PHRF1: variants seen among roughly 807,000 people sequenced by gnomAD.
The protein encoded by PHRF1 is PHD and ring finger domains 1.
In PHRF1, 53 loss-of-function variants were observed where a neutral mutation model predicts 128.9. The ratio of observed to expected loss-of-function variants is 0.41; its 90% CI spans 0.33 to 0.52. PHRF1 has a LOEUF of 0.52. Ranked by LOEUF, PHRF1 falls within the 20% of genes least tolerant of loss-of-function variation. The pLI is 0.21. For missense variants in PHRF1, 2,503 were observed against 2,284.5 expected, an observed-to-expected ratio of 1.10 and a Z score of -1.95; for synonymous variants, 1,178 against 980.6, an observed-to-expected ratio of 1.20 and a Z score of -3.76.
intron 4 of PHRF1, among the ~76,000 whole-genome samples, chr11:590,084 G>T (rs1458100045): frequency 6.6e-6 from 1 of 151,256 alleles, no homozygotes; most frequent in Non-Finnish European, 1.5e-5. Flanking sequence ...GAGCGTGCGG[G>T]GCTCAGCCTG....
intron 10 of PHRF1, among the ~76,000 whole-genome samples, chr11:604,108 G>T (rs190668449): frequency 1.8e-4 from 27 of 152,350 alleles, no homozygotes; most frequent in Admixed American, 1.6e-3. Context: ...GTTGGATAAG[G>T]ACCTGCTATT....
chr11:591,262 C>CT (rs1444372281), intron 4 of PHRF1, 122 bp from the exon 5 acceptor site: 8 of 856,788 alleles, frequency 9.3e-6, no homozygotes, highest in South Asian at 3.1e-5. Flanking sequence ...TTGCCAGCAG[C>CT]TTAGTGGAGG....
At chr11:591,354 A>G (rs950071713) in intron 4 of PHRF1, 30 bp from the exon 5 acceptor site, 3 of 1,564,106 alleles carry the variant, frequency 1.9e-6, no homozygotes, top group East Asian at 4.6e-5. Context: ...GTGATTGACA[A>G]GATTCTGATC....
At chr11:584,857 C>T (rs184621366) in intron 3 of PHRF1, among the ~76,000 whole-genome samples, 213 of 151,740 alleles carry the variant, frequency 1.4e-3, no homozygotes, top group Middle Eastern at 0.01. Context: ...CCTGCCTCAG[C>T]CTCTCGAGTA....
In PHRF1 at chr11:607,065, G is replaced by C. The variant is rs1251923204; in HGVS notation, c.1610-1G>C. 1 of 1,548,764 alleles carries C rather than the reference G, an allele frequency of 6.5e-7. No individual in the cohort carries two copies. The highest frequency in any genetic ancestry group is 1.4e-5 in the African/African-American group (1 of 71,898). ...TTGCCATTGACTTTTTTGTTTTTTA[G>C]CTCCAGTTTCTTTTCAGCGAAACTC... On this transcript the variant is annotated splice_acceptor_variant, in intron 13 of 17. Transcript: ENST00000264555. LOFTEE classifies it high-confidence loss of function.
intron 5 of PHRF1, 139 bp from the exon 6 acceptor site, chr11:592,420 A>AG: frequency 1.3e-6 from 1 of 772,966 alleles, no homozygotes; most frequent in South Asian, 1.5e-5. Flanking sequence ...GTACACGTGG[A>AG]GGGAGACCCT....
intron 10 of PHRF1, among the ~76,000 whole-genome samples, chr11:604,905 G>C (rs1459520370): frequency 1.3e-5 from 2 of 152,182 alleles, no homozygotes; most frequent in Non-Finnish European, 2.9e-5. Flanking sequence ...ATGCCCGAGA[G>C]CCTCTGGTAG....
In PHRF1 at chr11:608,554, C is replaced by T. The variant is rs201796525; in HGVS notation, c.3098C>T (p.Ala1033Val). ...TCCAGGGACAGGAGCTCGAGGTCAGCGTCACCATCAGTGGGTGAGGAGCGC... is the reference window on the plus strand; with the variant it reads ...TCCAGGGACAGGAGCTCGAGGTCAGTGTCACCATCAGTGGGTGAGGAGCGC... ...SESRDRSSRS[A>V]SPSVGEERPR... Residue 1033 changes from alanine (A) to valine (V), a missense_variant, in exon 14 of 18, where the codon GCG (alanine) becomes GTG (valine). Transcript: ENST00000264555. 5.0e-4 allele frequency: 808 copies of T among 1,612,302 alleles called. 1 individual carries two copies. Among genetic ancestry groups the T allele is most frequent in the Non-Finnish European group, 6.2e-4 (731 of 1,179,808 alleles).
In PHRF1 at chr11:607,120, T is replaced by C. The variant is rs758269312; in HGVS notation, c.1664T>C (p.Phe555Ser). ...AGTCTGTCCAGAGGGGAAGAAGGAT[T>C]CAAGGGCTGCCTGCAGCCCCGAGCA... ...SGSLSRGEEG[F>S]KGCLQPRALP... The change falls in exon 14 of 18, where the codon TTC (phenylalanine) becomes TCC (serine). Residue 555 changes from phenylalanine to serine, a missense_variant. Coordinates refer to ENST00000264555, the MANE Select transcript of PHRF1 (RefSeq NM_001286581.2). 2 of 1,611,194 alleles carry C rather than the reference T, an allele frequency of 1.2e-6. No homozygotes were observed. Among genetic ancestry groups the C allele is most frequent in the East Asian group, 4.5e-5 (2 of 44,842 alleles).
At chr11:582,243 T>C (rs528819972) in intron 3 of PHRF1, among the ~76,000 whole-genome samples, 162 bp downstream of exon 3, 7 of 151,278 alleles carry the variant, frequency 4.6e-5, no homozygotes, top group Admixed American at 1.3e-4. Context: ...GACGGCTCAC[T>C]TTATTTGTAG....
chr11:611,501 C>A, intron 17 of PHRF1, 133 bp from the exon 18 acceptor site: 1 of 1,306,550 alleles, frequency 7.7e-7, no homozygotes, highest in Non-Finnish European at 1.0e-6. Flanking sequence ...GCCTCTGCCG[C>A]CGTCTGTCTG....
intron 6 of PHRF1, among the ~76,000 whole-genome samples, 171 bp from the exon 7 acceptor site, chr11:596,752 A>G (rs1453891327): frequency 6.6e-6 from 1 of 152,102 alleles, no homozygotes; most frequent in Non-Finnish European, 1.5e-5. Context: ...CTGCTGTCAC[A>G]TTGGGGGTTA....
intron 6 of PHRF1, among the ~76,000 whole-genome samples, chr11:593,103 T>C (rs1270640185): frequency 6.6e-6 from 1 of 152,212 alleles, no homozygotes; most frequent in African/African-American, 2.4e-5. Flanking sequence ...CTGCACCTGC[T>C]GCTCTCCCTG....
chr11:581,457 C>T, intron 1 of PHRF1, 35 bp from the exon 2 acceptor site: 1 of 1,589,592 alleles, frequency 6.3e-7, no homozygotes, highest in Non-Finnish European at 8.6e-7. Context: ...CAGCCTGGGA[C>T]AGTTTGGAAG....
chr11:610,520 C>T lies in PHRF1; in HGVS notation c.4436C>T (p.Pro1479Leu), dbSNP rs375037462. Residue 1479 changes from proline (P) to leucine (L), a missense_variant, in exon 16 of 18, where the codon CCG becomes CTG. Physicochemically the swap from Pro to Leu is moderately conservative, Grantham distance 98. Transcript: ENST00000264555. ...DPSQVYSPGL[P>L]PAPAQPSSIP... ...TCCCAGGTTTACAGCCCCGGCCTGC[C>T]GCCTGCCCCGGCCCAGCCCTCAAGC... is the stretch of plus-strand genomic sequence containing the variant. The T allele has an allele frequency of 1.6e-4, 259 of 1,604,090 alleles. 2 individuals carry two copies. Among genetic ancestry groups the T allele is most frequent in the Middle Eastern group, 3.3e-4 (2 of 6,018 alleles).
At chr11:582,166 G>A in intron 3 of PHRF1, 85 bp downstream of exon 3, 4 of 1,537,090 alleles carry the variant, frequency 2.6e-6, no homozygotes, top group Non-Finnish European at 3.5e-6. Context: ...CTCCGTGAGA[G>A]TGCTGTCACC....
At position 608,254 on chromosome 11, in the gene PHRF1, G is replaced by A. The variant is rs757156844; in HGVS notation, c.2798G>A (p.Arg933Gln). ...AGCCAGGGCCTGGCTGCCCGGCTGC[G>A]GAGGCCATCCCCCCCAGAGCCCTGG... ...TESQGLAARL[R>Q]RPSPPEPWDE... The change falls in exon 14 of 18, where the codon CGG becomes CAG. Residue 933 changes from arginine to glutamine, a missense_variant. Arg to Gln is a conservative substitution (Grantham distance 43). Coordinates refer to ENST00000264555, the MANE Select transcript of PHRF1 (RefSeq NM_001286581.2). 6.5e-5 allele frequency: 104 copies of A among 1,609,728 alleles called. No individual in the cohort carries two copies. The Admixed American group carries it at 1.6e-3, about 24-fold the overall frequency.
At chr11:604,159 G>A (rs992804539) in intron 10 of PHRF1, among the ~76,000 whole-genome samples, 2 of 152,174 alleles carry the variant, frequency 1.3e-5, no homozygotes, top group African/African-American at 2.4e-5. Flanking sequence ...TTTGCTTTGC[G>A]GGGTGCCCTG....
At chr11:592,488 G>A (rs1855034865) in intron 5 of PHRF1, 71 bp from the exon 6 acceptor site, 1 of 1,458,850 alleles carries the variant, frequency 6.9e-7, no homozygotes, top group Non-Finnish European at 9.6e-7. Flanking sequence ...TGGATTAACT[G>A]CGTTTCACGC....
Sources: allele counts gnomAD v4.1 joint callset (sites outside exome capture counted in the v4.1 genomes callset), GRCh38; gene constraint gnomAD v4.1.1; transcripts MANE v1.5; gene names NCBI Gene and HGNC (gene_info 2026-07-23, HGNC 2026-07-21).